SHISA6: variants seen among roughly 807,000 people sequenced by gnomAD.
The protein encoded by SHISA6 is shisa family member 6, also known as protein shisa-6.
Under a neutral mutation model 47.9 loss-of-function variants are expected in SHISA6, and 22 were observed. That is an observed-to-expected ratio of 0.46 (90% CI 0.33 to 0.66). The LOEUF is 0.66. Among genes scored for constraint, SHISA6 ranks in the 30% least tolerant of loss-of-function variants. The pLI, the probability that SHISA6 is intolerant of heterozygous loss-of-function variation, is 0.02. For missense variants in SHISA6, 680 were observed against 764.6 expected (o/e 0.89, Z 1.30); for synonymous variants, 388 against 337.8 (o/e 1.15, Z -1.63).
chr17:11,464,049 T>C (rs766138387), intron 3 of SHISA6, among the ~76,000 whole-genome samples: 15 of 152,108 alleles, frequency 9.9e-5, no homozygotes, highest in African/African-American at 3.1e-4. Flanking sequence ...CCCAAGTAAC[T>C]GGGACTACAG....
intron 2 of SHISA6, among the ~76,000 whole-genome samples, chr17:11,319,398 G>A (rs1910636263): frequency 6.6e-6 from 1 of 152,076 alleles, no homozygotes; most frequent in Admixed American, 6.6e-5. Context: ...ATTAATAAGA[G>A]GGTATGGTTG....
At chr17:11,492,592 T>G (rs549148675) in intron 3 of SHISA6, among the ~76,000 whole-genome samples, 1 of 152,318 alleles carries the variant, frequency 6.6e-6, no homozygotes, top group East Asian at 1.9e-4. Context: ...TGAAAGTGTC[T>G]TACACATCAT....
rs149385802 is a variant in SHISA6, at chr17:11,243,148, C to A, written c.638+1088C>A. Among the ~76,000 whole-genome samples, 214 of 151,896 alleles carry A rather than the reference C, an allele frequency of 1.4e-3. 1 individual carries two copies. Among genetic ancestry groups the A allele is most frequent in the African/African-American group, 4.6e-3 (189 of 41,426 alleles). On this transcript the variant is annotated intron_variant, in intron 1 of 5. Coordinates refer to ENST00000441885, the MANE Select transcript of SHISA6 (RefSeq NM_207386.4). Reference sequence around the variant, plus strand: ...TCAGTCAGTCCTGCAGGCCCCCACACTGACCCATTCACCTTGAGCTCTTCT... The same window carrying A: ...TCAGTCAGTCCTGCAGGCCCCCACAATGACCCATTCACCTTGAGCTCTTCT...
intron 3 of SHISA6, among the ~76,000 whole-genome samples, chr17:11,462,483 G>A (rs1329305375): frequency 6.6e-6 from 1 of 152,146 alleles, no homozygotes; most frequent in Non-Finnish European, 1.5e-5. Context: ...CTGATGAGTG[G>A]TGTCATTAGC....
chr17:11,359,382 A>T (rs1912187731), intron 2 of SHISA6, among the ~76,000 whole-genome samples: 1 of 152,232 alleles, frequency 6.6e-6, no homozygotes. Context: ...TACTGCAGAC[A>T]AAAGGAAGCT....
chr17:11,498,646 G>A (rs1439864049), intron 3 of SHISA6, among the ~76,000 whole-genome samples: 1 of 152,114 alleles, frequency 6.6e-6, no homozygotes, highest in Admixed American at 6.5e-5. Flanking sequence ...ATGGGCAACT[G>A]TTATATATCA....
At chr17:11,477,460 G>A (rs1916080523) in intron 3 of SHISA6, among the ~76,000 whole-genome samples, 1 of 151,748 alleles carries the variant, frequency 6.6e-6, no homozygotes, top group Non-Finnish European at 1.5e-5. Flanking sequence ...GGGTACATGT[G>A]CACATTGTGC....
At chr17:11,470,176 C>T (rs1915903136) in intron 3 of SHISA6, among the ~76,000 whole-genome samples, 2 of 152,150 alleles carry the variant, frequency 1.3e-5, no homozygotes, top group African/African-American at 2.4e-5. Context: ...GTTGTTTAGG[C>T]CTCCAGTCTG....
At chr17:11,490,697 T>C (rs960451905) in intron 3 of SHISA6, among the ~76,000 whole-genome samples, 18 of 152,334 alleles carry the variant, frequency 1.2e-4, no homozygotes, top group African/African-American at 2.2e-4. Flanking sequence ...TGGTCAGACC[T>C]GAGCCAGAGG....
intron 2 of SHISA6, among the ~76,000 whole-genome samples, chr17:11,342,220 C>T (rs559704568): frequency 6.6e-6 from 1 of 152,274 alleles, no homozygotes; most frequent in African/African-American, 2.4e-5. Context: ...CATGGAGCTG[C>T]AGCCTAAAAC....
intron 3 of SHISA6, among the ~76,000 whole-genome samples, chr17:11,510,021 G>A (rs566420301): frequency 5.3e-5 from 8 of 152,164 alleles, no homozygotes; most frequent in East Asian, 1.9e-4. Flanking sequence ...AGGGAAAACC[G>A]AGGAAGAAGA....
chr17:11,319,114 T>C (rs1461104285), intron 2 of SHISA6, among the ~76,000 whole-genome samples: 2 of 150,174 alleles, frequency 1.3e-5, no homozygotes, highest in Non-Finnish European at 3.0e-5. Context: ...AGTCTCGCTC[T>C]GTCACCCAGG....
At chr17:11,313,935 A>T (rs1395983729) in intron 2 of SHISA6, among the ~76,000 whole-genome samples, 1 of 152,158 alleles carries the variant, frequency 6.6e-6, no homozygotes, top group East Asian at 1.9e-4. Context: ...GAAAATAAAG[A>T]TATACTAATA....
intron 3 of SHISA6, among the ~76,000 whole-genome samples, chr17:11,536,730 TG>T (rs1419586219): frequency 6.6e-6 from 1 of 152,156 alleles, no homozygotes; most frequent in Non-Finnish European, 1.5e-5. Context: ...ATCACACATC[TG>T]GTGCTCACAC....
intron 3 of SHISA6, among the ~76,000 whole-genome samples, chr17:11,468,540 T>A (rs1219477136): frequency 6.6e-6 from 1 of 152,030 alleles, no homozygotes; most frequent in Non-Finnish European, 1.5e-5. Flanking sequence ...GGGGCTCTGG[T>A]ACCTGGGGAT....
chr17:11,543,578 C>A (rs922177074), intron 3 of SHISA6, among the ~76,000 whole-genome samples: 1 of 151,744 alleles, frequency 6.6e-6, no homozygotes, highest in Non-Finnish European at 1.5e-5. Context: ...AACATCCCTG[C>A]AAAATTTTTT....
intron 3 of SHISA6, among the ~76,000 whole-genome samples, chr17:11,486,578 A>G (rs766131046): frequency 4.6e-5 from 7 of 152,218 alleles, no homozygotes; most frequent in Non-Finnish European, 1.0e-4. Flanking sequence ...GGGCGGTCAG[A>G]GACTTCAGCC....
At chr17:11,531,014 TAA>T (rs2071727570) in intron 3 of SHISA6, among the ~76,000 whole-genome samples, 1 of 152,264 alleles carries the variant, frequency 6.6e-6, no homozygotes, top group South Asian at 2.1e-4. Flanking sequence ...AGTGGACCAA[TAA>T]AGTTTTTTCA....
intron 3 of SHISA6, among the ~76,000 whole-genome samples, chr17:11,518,110 G>A (rs1277409708): frequency 1.3e-5 from 2 of 152,142 alleles, no homozygotes; most frequent in Non-Finnish European, 2.9e-5. Flanking sequence ...GAGGTGGCGT[G>A]GTGCCGTGGT....
Sources: gnomAD v4.1 joint callset for allele counts (sites outside exome capture counted in the v4.1 genomes callset) on GRCh38, gnomAD v4.1.1 for gene constraint, MANE v1.5 for transcripts, NCBI Gene and HGNC (gene_info 2026-07-23, HGNC 2026-07-21) for gene names.